Variants in PAAF1 observed in about 807,000 individuals in gnomAD.
PAAF1 encodes proteasomal ATPase associated factor 1, also known as proteasomal ATPase-associated factor 1.
In PAAF1, 46 loss-of-function variants were observed where a neutral mutation model predicts 52.8. The ratio of observed to expected loss-of-function variants is 0.87; its 90% CI spans 0.69 to 1.11. PAAF1 has a LOEUF of 1.11. PAAF1 is among the 50% of genes most tolerant of loss of function. The probability of loss-of-function intolerance (pLI) is 0.00; values close to 1 mark genes in which losing one functional copy is unlikely to be tolerated. For synonymous variants in PAAF1, 178 were observed against 172.8 expected, an observed-to-expected ratio of 1.03 and a Z score of -0.24; for missense variants, 424 against 477.4, an observed-to-expected ratio of 0.89 and a Z score of 1.04.
At chr11:73,916,866 T>C (rs1950078805) in intron 9 of PAAF1, among the ~76,000 whole-genome samples, 1 of 152,226 alleles carries the variant, frequency 6.6e-6, no homozygotes, top group Non-Finnish European at 1.5e-5. Context: ...CCATTATGAT[T>C]GTCTGACTAA....
At chr11:73,877,328 A>T (rs995085494) in intron 1 of PAAF1, 21 of 342,718 alleles carry the variant, frequency 6.1e-5, no homozygotes, top group Middle Eastern at 7.4e-4. Context: ...AAAGACAGGG[A>T]TACTGGGAGG....
At chr11:73,912,110 C>T (rs917064801) in intron 7 of PAAF1, among the ~76,000 whole-genome samples, 1 of 152,018 alleles carries the variant, frequency 6.6e-6, no homozygotes. Flanking sequence ...TCTTAAAGGT[C>T]TCCTTTTATG....
At chr11:73,881,127 C>T (rs1463656407) in intron 2 of PAAF1, among the ~76,000 whole-genome samples, 1 of 152,170 alleles carries the variant, frequency 6.6e-6, no homozygotes, top group African/African-American at 2.4e-5. Flanking sequence ...AGGACCTTGG[C>T]TATCTTGTAA....
rs1019376645 is a variant in PAAF1, at chr11:73,910,289, A to G, written c.727+696A>G. 3.9e-5 allele frequency among the ~76,000 whole-genome samples: 6 copies of G among 152,184 alleles called. 1 individual carries two copies. The highest frequency in any genetic ancestry group is 1.2e-4 in the African/African-American group (5 of 41,448). ...GACGGAGTGTTCCCGGTTAGTATAG[A>G]TAGGAAAGATGTCACAAAAGAAGTT... On this transcript the variant is annotated intron_variant, in intron 7 of 11. Transcript: ENST00000310571.
intron 11 of PAAF1, 94 bp downstream of exon 11, chr11:73,924,791 G>C: frequency 1.0e-6 from 1 of 999,458 alleles, no homozygotes; most frequent in Non-Finnish European, 1.6e-6. Context: ...GGTCATTAGG[G>C]ATGATAAAAT....
chr11:73,887,951 T>C (rs1949105939), intron 3 of PAAF1, among the ~76,000 whole-genome samples: 1 of 152,146 alleles, frequency 6.6e-6, no homozygotes, highest in South Asian at 2.1e-4. Flanking sequence ...GGTTTCACCA[T>C]GTTGGCCAGG....
In PAAF1 at chr11:73,928,950, A is replaced by C. The variant is rs1226115273; in HGVS notation, c.*1588A>C. Reference sequence around the variant, plus strand: ...TGGCCAGGCTGGTCTCGAACTCCTGACCTTGTGATCCACCTGCCTTGGCCT... The same window carrying C: ...TGGCCAGGCTGGTCTCGAACTCCTGCCCTTGTGATCCACCTGCCTTGGCCT... On this transcript the variant is annotated 3_prime_UTR_variant, in exon 12 of 12. Coordinates refer to ENST00000310571, the MANE Select transcript of PAAF1 (RefSeq NM_025155.3). 1 of 151,980 alleles carries C rather than the reference A, an allele frequency of 6.6e-6. No individual in the cohort carries two copies. Among genetic ancestry groups the C allele is most frequent in the Non-Finnish European group, 1.5e-5 (1 of 68,014 alleles). The allele number at this position is 151,980 out of a possible 1,614,324, so 9.4% of individuals were successfully genotyped here.
chr11:73,915,115 CTG>C (rs1293704682), intron 8 of PAAF1, among the ~76,000 whole-genome samples: 8 of 152,202 alleles, frequency 5.3e-5, no homozygotes, highest in African/African-American at 1.7e-4. Flanking sequence ...CTTAACCTCT[CTG>C]AGCCTGCTTC....
chr11:73,901,530 C>T (rs1324204202), intron 6 of PAAF1, among the ~76,000 whole-genome samples: 3 of 152,044 alleles, frequency 2.0e-5, no homozygotes, highest in Non-Finnish European at 4.4e-5. Context: ...TTGCCCTCTA[C>T]TTCTGGGATT....
In PAAF1 at chr11:73,919,182, G is replaced by T. The variant is rs1441342603; in HGVS notation, c.1018+150G>T. On this transcript the variant is annotated intron_variant, in intron 10 of 11. Coordinates refer to ENST00000310571, the MANE Select transcript of PAAF1 (RefSeq NM_025155.3). ...CTATCAATAGTGTTTATCACTCTAC[G>T]TTGTGATTGTCTGTGTCCCCCTCCA... The T allele has an allele frequency of 7.5e-6, 5 of 666,144 alleles. No individual in the cohort carries two copies. In the Admixed American group the frequency reaches 1.6e-4, roughly 21 times the overall value. 41.3% of individuals were successfully genotyped at this position (666,144 alleles called of 1,614,324 possible).
intron 6 of PAAF1, among the ~76,000 whole-genome samples, chr11:73,903,152 G>A (rs575422841): frequency 1.2e-4 from 18 of 152,296 alleles, no homozygotes; most frequent in Admixed American, 9.8e-4. Context: ...TAGATTGAAC[G>A]GAATGATATA....
chr11:73,913,036 C>G lies in PAAF1; in HGVS notation c.728-1377C>G, dbSNP rs576358628. On this transcript the variant is annotated intron_variant, in intron 7 of 11. Transcript: ENST00000310571. Reference sequence around the variant, plus strand: ...GGATTACAGGCGTGCACTACCATGCCTGGCTATTTTTTGTATTTTTAGTAG... The same window carrying G: ...GGATTACAGGCGTGCACTACCATGCGTGGCTATTTTTTGTATTTTTAGTAG... Among the ~76,000 whole-genome samples, 30 of 152,288 alleles carry G rather than the reference C, an allele frequency of 2.0e-4. No homozygotes were observed. In the South Asian group the frequency reaches 6.2e-3, roughly 32 times the overall value.
intron 1 of PAAF1, 90 bp downstream of exon 1, chr11:73,877,158 T>C: frequency 1.5e-6 from 2 of 1,310,280 alleles, no homozygotes. Context: ...AGGATATCAA[T>C]AGGGGTTACT....
rs1949091899 is a variant in PAAF1, at chr11:73,887,470, G to A, written c.192+13G>A. 1 of 1,562,268 alleles carries A rather than the reference G, an allele frequency of 6.4e-7. No homozygotes were observed. The highest frequency in any genetic ancestry group is 8.7e-7 in the Non-Finnish European group (1 of 1,144,826). Reference sequence around the variant, plus strand: ...TGAAATAAACAAGGTATGTTTTTATGTCTTCTAGATGGCATGATATTTAAA... The same window carrying A: ...TGAAATAAACAAGGTATGTTTTTATATCTTCTAGATGGCATGATATTTAAA... On this transcript the variant is annotated intron_variant, in intron 3 of 11. Coordinates refer to ENST00000310571, the MANE Select transcript of PAAF1 (RefSeq NM_025155.3).
At chr11:73,915,428 C>A (rs1464474137) in intron 8 of PAAF1, among the ~76,000 whole-genome samples, 1 of 152,054 alleles carries the variant, frequency 6.6e-6, no homozygotes, top group African/African-American at 2.4e-5. Context: ...GCAAAAAAAC[C>A]CATCTCTATT....
intron 1 of PAAF1, among the ~76,000 whole-genome samples, chr11:73,877,491 A>G (rs1948775691): frequency 6.6e-6 from 1 of 152,202 alleles, no homozygotes. Context: ...ACTGGACGAT[A>G]CTATTAAGGA....
At chr11:73,890,594 A>G (rs1165460828) in intron 3 of PAAF1, among the ~76,000 whole-genome samples, 1 of 152,120 alleles carries the variant, frequency 6.6e-6, no homozygotes, top group Admixed American at 6.6e-5. Flanking sequence ...TACTTTACCA[A>G]TTTCATCTGG....
chr11:73,909,394 G>C lies in PAAF1; in HGVS notation c.533-5G>C, dbSNP rs1420982943. On this transcript the variant is annotated splice_polypyrimidine_tract_variant and splice_region_variant and intron_variant, in intron 6 of 11. Transcript: ENST00000310571. Reference sequence around the variant, plus strand: ...CCATCTTAGGGAGTTTTTTTCTCTTGCTAGGTATCCTGGATACAGCCATCG... The same window carrying C: ...CCATCTTAGGGAGTTTTTTTCTCTTCCTAGGTATCCTGGATACAGCCATCG... 6.2e-7 allele frequency: 1 copy of C among 1,611,584 alleles called. No individual in the cohort carries two copies. Among genetic ancestry groups the C allele is most frequent in the South Asian group, 1.1e-5 (1 of 90,748 alleles).
At chr11:73,917,289 G>T (rs1021208053) in intron 9 of PAAF1, among the ~76,000 whole-genome samples, 10 of 152,208 alleles carry the variant, frequency 6.6e-5, no homozygotes, top group South Asian at 4.1e-4. Flanking sequence ...AAAGTGCTGG[G>T]ATTACAGGCA....
Sources: gnomAD v4.1 joint callset for allele counts (sites outside exome capture counted in the v4.1 genomes callset) on GRCh38, gnomAD v4.1.1 for gene constraint, MANE v1.5 for transcripts, NCBI Gene and HGNC (gene_info 2026-07-23, HGNC 2026-07-21) for gene names.